NME7: variants seen among roughly 807,000 people sequenced by gnomAD.
NME7 encodes NME/NM23 family member 7.
Under a neutral mutation model 49.1 loss-of-function variants are expected in NME7, and 41 were observed. The ratio of observed to expected loss-of-function variants is 0.83; its 90% CI spans 0.65 to 1.08. The LOEUF (loss-of-function observed/expected upper bound fraction) is 1.08, where lower values mean the gene tolerates loss of function less well. Ranked by LOEUF, NME7 falls within the 50% of genes least tolerant of loss-of-function variation. The probability of loss-of-function intolerance (pLI) is 0.00; values close to 1 mark genes in which losing one functional copy is unlikely to be tolerated. For synonymous variants in NME7, 139 were observed against 150.6 expected (o/e 0.92, Z 0.56); for missense variants, 423 against 463.4 (o/e 0.91, Z 0.80).
Position 169,355,224 on chromosome 1 carries a change from GATATAAT to G in NME7, c.3+12477_3+12483del, listed in dbSNP as rs1264123025. 2.9e-3 allele frequency among the ~76,000 whole-genome samples: 62 copies of G among 21,216 alleles called. 11 individuals are homozygous for G. The highest frequency in any genetic ancestry group is 4.5e-3 in the Non-Finnish European group (48 of 10,690). The allele number at this position is 21,216 out of a possible 152,430, so 13.9% of individuals were successfully genotyped here. A position where few individuals can be genotyped will look rare whatever the true frequency, so the allele number is the denominator to read the frequency against. On this transcript the variant is annotated intron_variant, in intron 1 of 11. Coordinates refer to ENST00000367811, the MANE Select transcript of NME7 (RefSeq NM_013330.5). ...TATATAATATATATTATATATTATAGATATAATATATAATATATTATATATTATATCT... is the reference window on the plus strand; with the variant it reads ...TATATAATATATATTATATATTATAGATATAATATATTATATATTATATCT...
At chr1:169,199,439 C>A (rs1009899682) in intron 10 of NME7, among the ~76,000 whole-genome samples, 9 of 142,426 alleles carry the variant, frequency 6.3e-5, no homozygotes, top group African/African-American at 2.3e-4. Flanking sequence ...ATAACAGAAC[C>A]CAGGGTCTTT....
intron 11 of NME7, among the ~76,000 whole-genome samples, chr1:169,156,341 C>T (rs946928708): frequency 7.3e-6 from 1 of 136,522 alleles, no homozygotes; most frequent in Non-Finnish European, 1.6e-5. Flanking sequence ...AAAAAGCCAT[C>T]CAGGAATTGT....
chr1:169,287,063 G>T, intron 7 of NME7: 2 of 409,458 alleles, frequency 4.9e-6, no homozygotes, highest in Non-Finnish European at 8.7e-6. Context: ...GTAACAGTAT[G>T]ACTGAGCCTG....
Position 169,272,753 on chromosome 1 carries a change from C to T in NME7, c.754+14550G>A, listed in dbSNP as rs1381207500. On this transcript the variant is annotated intron_variant, in intron 7 of 11. Coordinates refer to ENST00000367811, the MANE Select transcript of NME7 (RefSeq NM_013330.5). ...CTATTGTGAACCGTGCTGCAATGAACATACACGTGCATGTATTTTTATAAT... is the reference window on the plus strand; with the variant it reads ...CTATTGTGAACCGTGCTGCAATGAATATACACGTGCATGTATTTTTATAAT... Among the ~76,000 whole-genome samples, 7 of 133,078 alleles carry T rather than the reference C, an allele frequency of 5.3e-5. 3 individuals are homozygous for T. Among genetic ancestry groups the T allele is most frequent in the Non-Finnish European group, 1.2e-4 (7 of 56,756 alleles). The allele number at this position is 133,078 out of a possible 152,430, so 87.3% of individuals were successfully genotyped here.
At position 169,298,882 on chromosome 1, in the gene NME7, G is replaced by A. The variant is rs370979958; in HGVS notation, c.441-119C>T. 8 of 877,304 alleles carry A rather than the reference G, an allele frequency of 9.1e-6. No homozygotes were observed. In the East Asian group the frequency reaches 1.9e-4, roughly 20 times the overall value. 54.3% of individuals were successfully genotyped at this position (877,304 alleles called of 1,614,324 possible). A position where few individuals can be genotyped will look rare whatever the true frequency, so the allele number is the denominator to read the frequency against. ...CATAGACATGAATATTATAATCTTAGAACCATTAAGCATAGTTAATTTTAC... is the reference window on the plus strand; with the variant it reads ...CATAGACATGAATATTATAATCTTAAAACCATTAAGCATAGTTAATTTTAC... On this transcript the variant is annotated intron_variant, in intron 5 of 11. Transcript: ENST00000367811.
intron 6 of NME7, among the ~76,000 whole-genome samples, chr1:169,295,732 A>G (rs1650682779): frequency 6.6e-6 from 1 of 152,134 alleles, no homozygotes. Context: ...TGAACACTAC[A>G]TGGGCCATTA....
intron 3 of NME7, among the ~76,000 whole-genome samples, chr1:169,316,864 T>C (rs1242888328): frequency 1.3e-5 from 2 of 152,092 alleles, no homozygotes; most frequent in African/African-American, 4.8e-5. Context: ...TGTAAGATCA[T>C]AAATTTGTAT....
At chr1:169,166,665 T>G (rs1659421234) in intron 11 of NME7, among the ~76,000 whole-genome samples, 1 of 152,128 alleles carries the variant, frequency 6.6e-6, no homozygotes, top group Non-Finnish European at 1.5e-5. Context: ...AAGACCTCGG[T>G]AAAAAGTCAT....
chr1:169,189,924 G>A (rs2101761150), intron 10 of NME7, among the ~76,000 whole-genome samples: 1 of 152,236 alleles, frequency 6.6e-6, no homozygotes, highest in East Asian at 1.9e-4. Context: ...CAAATATTAA[G>A]TAGCTCTTTT....
At chr1:169,236,490 T>G (rs1647862962) in intron 8 of NME7, among the ~76,000 whole-genome samples, 1 of 152,106 alleles carries the variant, frequency 6.6e-6, no homozygotes. Flanking sequence ...CAATCACCAA[T>G]CACTATGCTA....
chr1:169,336,632 C>A (rs1412395109), intron 1 of NME7, among the ~76,000 whole-genome samples: 1 of 151,544 alleles, frequency 6.6e-6, no homozygotes, highest in East Asian at 1.9e-4. Flanking sequence ...GTTTACAAAC[C>A]TTGAGCTAGA....
At position 169,367,673 on chromosome 1, in the gene NME7, C is replaced by G. The variant is rs1039767734; in HGVS notation, c.3+35G>C. The G allele has an allele frequency of 3.7e-6, 6 of 1,613,906 alleles. No homozygotes were observed. In the African/African-American group the frequency reaches 8.0e-5, roughly 22 times the overall value. On this transcript the variant is annotated intron_variant, in intron 1 of 11. Transcript: ENST00000367811. Reference sequence around the variant, plus strand: ...CTTGGAAAGCTAAGTAAGTAGGACCCCAGAGCCGTTCTTCTGGCATCCCCT... The same window carrying G: ...CTTGGAAAGCTAAGTAAGTAGGACCGCAGAGCCGTTCTTCTGGCATCCCCT...
At chr1:169,324,692 C>T (rs1354621926) in intron 1 of NME7, among the ~76,000 whole-genome samples, 192 bp from the exon 2 acceptor site, 2 of 152,202 alleles carry the variant, frequency 1.3e-5, no homozygotes, top group Non-Finnish European at 1.5e-5. Flanking sequence ...CAATTTCTCA[C>T]TAAATACCCT....
chr1:169,331,739 A>T (rs937698897), intron 1 of NME7, among the ~76,000 whole-genome samples: 1 of 152,050 alleles, frequency 6.6e-6, no homozygotes, highest in South Asian at 2.1e-4. Context: ...AAAATAAAAT[A>T]CCTAAGAATT....
intron 11 of NME7, among the ~76,000 whole-genome samples, chr1:169,151,350 A>G (rs1658909438): frequency 6.6e-6 from 1 of 152,148 alleles, no homozygotes; most frequent in Non-Finnish European, 1.5e-5. Flanking sequence ...AGATCAGGGA[A>G]GAGGCCTCGA....
At chr1:169,155,370 C>G (rs1659038067) in intron 11 of NME7, among the ~76,000 whole-genome samples, 1 of 152,120 alleles carries the variant, frequency 6.6e-6, no homozygotes, top group South Asian at 2.1e-4. Flanking sequence ...AGTAGTCCAC[C>G]CTGGGGAAGG....
At chr1:169,278,477 A>G (rs980054820) in intron 7 of NME7, among the ~76,000 whole-genome samples, 1 of 152,034 alleles carries the variant, frequency 6.6e-6, no homozygotes, top group Non-Finnish European at 1.5e-5. Flanking sequence ...AGTTGATCGC[A>G]TCGACTCCTG....
intron 10 of NME7, among the ~76,000 whole-genome samples, chr1:169,193,753 G>A (rs1247326488): frequency 6.6e-6 from 1 of 152,094 alleles, no homozygotes; most frequent in East Asian, 1.9e-4. Flanking sequence ...TTCTGACTGT[G>A]ATAGGGACAT....
chr1:169,297,033 G>T (rs1650738611), intron 6 of NME7, among the ~76,000 whole-genome samples: 1 of 151,412 alleles, frequency 6.6e-6, no homozygotes, highest in Non-Finnish European at 1.5e-5. Context: ...GAGCACAGTG[G>T]CATGATCTCA....
Sources: gnomAD v4.1 joint callset for allele counts (sites outside exome capture counted in the v4.1 genomes callset) on GRCh38, gnomAD v4.1.1 for gene constraint, MANE v1.5 for transcripts, NCBI Gene and HGNC (gene_info 2026-07-23, HGNC 2026-07-21) for gene names.